Variants in SMIM8 observed in about 807,000 individuals in gnomAD.
The protein encoded by SMIM8 is UPF0708 protein C6orf162.
In SMIM8, 8 loss-of-function variants were observed where a neutral mutation model predicts 8.1. The observed-to-expected ratio is 0.99, with a 90% CI of 0.58 to 1.78. The LOEUF is 1.78. Ranked by LOEUF, SMIM8 falls within the 40% of genes most tolerant of loss-of-function variation. The probability of loss-of-function intolerance (pLI) is 0.00; values close to 1 mark genes in which losing one functional copy is unlikely to be tolerated. For missense variants in SMIM8, 126 were observed against 119.8 expected (o/e 1.05, Z -0.24); for synonymous variants, 45 against 39.7 (o/e 1.13, Z -0.50).
chr6:87,339,801 C>T (rs770699907), intron 3 of SMIM8, among the ~76,000 whole-genome samples: 12 of 152,066 alleles, frequency 7.9e-5, no homozygotes, highest in African/African-American at 1.2e-4. Context: ...TTGAAAACTC[C>T]GGGTGCTGAC....
chr6:87,328,643 T>A (rs1159439098), intron 1 of SMIM8, among the ~76,000 whole-genome samples: 1 of 152,202 alleles, frequency 6.6e-6, no homozygotes, highest in Non-Finnish European at 1.5e-5. Context: ...GGAGAACCAC[T>A]GCTCTCTTCA....
chr6:87,329,722 C>G (rs565198496), intron 1 of SMIM8, among the ~76,000 whole-genome samples: 2 of 151,708 alleles, frequency 1.3e-5, no homozygotes, highest in Non-Finnish European at 2.9e-5. Flanking sequence ...TTTATCAATT[C>G]AAGAGTAAGA....
chr6:87,339,133 G>A (rs1387161006), intron 3 of SMIM8, among the ~76,000 whole-genome samples: 1 of 152,130 alleles, frequency 6.6e-6, no homozygotes, highest in East Asian at 1.9e-4. Context: ...GTGAAACCCT[G>A]TATTTATTAA....
At position 87,332,342 on chromosome 6, in the gene SMIM8, TAA is replaced by T. The variant is rs199812984; in HGVS notation, c.-24+1632_-24+1633del. ...CCCCATATATGTATATATATATATATAAATGACAGCAGATCCCTTCTGAATAG... is the reference window on the plus strand; with the variant it reads ...CCCCATATATGTATATATATATATATATGACAGCAGATCCCTTCTGAATAG... On this transcript the variant is annotated intron_variant, in intron 2 of 3. Transcript: ENST00000392863. Among the ~76,000 whole-genome samples the T allele has an allele frequency of 1.4e-3, 198 of 146,660 alleles. 1 individual carries two copies. Among genetic ancestry groups the T allele is most frequent in the African/African-American group, 3.7e-3 (149 of 40,072 alleles).
At chr6:87,332,662 T>C (rs568456287) in intron 2 of SMIM8, among the ~76,000 whole-genome samples, 1 of 152,352 alleles carries the variant, frequency 6.6e-6, no homozygotes, top group African/African-American at 2.4e-5. Flanking sequence ...TAATAAACTA[T>C]GCTCTGAGGA....
chr6:87,338,821 G>A (rs1283946460), intron 3 of SMIM8, among the ~76,000 whole-genome samples: 1 of 152,006 alleles, frequency 6.6e-6, no homozygotes, highest in Non-Finnish European at 1.5e-5. Flanking sequence ...CAAAGAAAAG[G>A]GTCTGAGGTA....
chr6:87,331,275 G>A lies in SMIM8; in HGVS notation c.-24+563G>A, dbSNP rs145542151. Among the ~76,000 whole-genome samples, 10 of 152,346 alleles carry A rather than the reference G, an allele frequency of 6.6e-5. No individual in the cohort carries two copies. In the East Asian group the frequency reaches 1.7e-3, roughly 26 times the overall value. On this transcript the variant is annotated intron_variant, in intron 2 of 3. Coordinates refer to ENST00000392863, the MANE Select transcript of SMIM8 (RefSeq NM_001042493.3). ...GACATTAACTGGTTTTGTCTTAGGTGAGTGGTAATGTCAGAGTAAGTTATT... is the reference window on the plus strand; with the variant it reads ...GACATTAACTGGTTTTGTCTTAGGTAAGTGGTAATGTCAGAGTAAGTTATT...
In SMIM8 at chr6:87,341,127, T is replaced by A. The variant is rs1351737373; in HGVS notation, c.*853T>A. The A allele has an allele frequency of 2.5e-6, 1 of 394,756 alleles. No individual in the cohort carries two copies. The highest frequency in any genetic ancestry group is 4.5e-6 in the Non-Finnish European group (1 of 224,174). The allele number at this position is 394,756 out of a possible 1,614,324, so 24.5% of individuals were successfully genotyped here. The stretch of plus-strand genomic sequence containing the variant: ...CTTATAGTTATTTAAAAACTACAAC[T>A]ACTCAATGGATAAGGAATAGATAAG... On this transcript the variant is annotated 3_prime_UTR_variant, in exon 4 of 4. Transcript: ENST00000392863.
intron 3 of SMIM8, among the ~76,000 whole-genome samples, chr6:87,339,371 T>TGTGTGA (rs1562225659): frequency 2.3e-5 from 3 of 130,284 alleles, no homozygotes. Context: ...TGTGTGTGTG[T>TGTGTGA]GAAATCCTGT....
intron 2 of SMIM8, among the ~76,000 whole-genome samples, chr6:87,334,630 A>G (rs1457063290): frequency 6.6e-6 from 1 of 152,138 alleles, no homozygotes; most frequent in Non-Finnish European, 1.5e-5. Context: ...TGCTGATGAA[A>G]CAGGTGTTCT....
rs761490879 is a variant in SMIM8 at position 87,340,221 on chromosome 6, A to G, written c.241A>G (p.Ile81Val). The change falls in exon 4 of 4, where the codon ATT becomes GTT. Residue 81 changes from isoleucine (I) to valine (V), a missense_variant. By Grantham distance (29) the Ile-to-Val change is conservative. Transcript: ENST00000392863. ...QENKKDLYEA[I>V]DSEGHSYMRR... ...GAATAAAAAGGACCTCTATGAAGCTATTGATAGTGAGGGGCACAGTTATAT... is the reference window on the plus strand; with the variant it reads ...GAATAAAAAGGACCTCTATGAAGCTGTTGATAGTGAGGGGCACAGTTATAT... The G allele has an allele frequency of 3.4e-5, 54 of 1,611,624 alleles. No individual in the cohort carries two copies. The highest frequency in any genetic ancestry group is 4.2e-5 in the Non-Finnish European group (50 of 1,179,298).
chr6:87,335,845 C>CAAAA (rs35840147), intron 2 of SMIM8, among the ~76,000 whole-genome samples: 78 of 55,884 alleles, frequency 1.4e-3, no homozygotes, highest in Admixed American at 2.4e-3. Context: ...CCGTCCCTAC[C>CAAAA]AAAAAAAAAA....
At chr6:87,335,978 G>A (rs1477122974) in intron 2 of SMIM8, among the ~76,000 whole-genome samples, 1 of 150,622 alleles carries the variant, frequency 6.6e-6, no homozygotes, top group Non-Finnish European at 1.5e-5. Flanking sequence ...CTATGATCAC[G>A]CCACTGCACG....
At chr6:87,327,360 C>T (rs555598260) in intron 1 of SMIM8, among the ~76,000 whole-genome samples, 11 of 152,072 alleles carry the variant, frequency 7.2e-5, no homozygotes, top group African/African-American at 2.4e-4. Context: ...TTCCTAGTCT[C>T]AATGGTCTTT....
intron 2 of SMIM8, among the ~76,000 whole-genome samples, chr6:87,335,500 T>C (rs890980673): frequency 1.1e-4 from 16 of 152,120 alleles, no homozygotes; most frequent in Admixed American, 9.8e-4. Flanking sequence ...TTTGCAAGTA[T>C]AGAAAGTGCT....
rs1777123047 is a variant in SMIM8 at position 87,336,878 on chromosome 6, A to G, written c.-23-131A>G. ...ACAAAGTACATTATACAAAGTAATA[A>G]GATAACTGACAATCACATTTGGTAT... On this transcript the variant is annotated intron_variant, in intron 2 of 3. Coordinates refer to ENST00000392863, the MANE Select transcript of SMIM8 (RefSeq NM_001042493.3). The G allele has an allele frequency of 1.2e-5, 7 of 586,094 alleles. No homozygotes were observed. In the Admixed American group the frequency reaches 2.1e-4, roughly 18 times the overall value. 36.3% of individuals were successfully genotyped at this position (586,094 alleles called of 1,614,324 possible). A position where few individuals can be genotyped will look rare whatever the true frequency, so the allele number is the denominator to read the frequency against.
intron 1 of SMIM8, among the ~76,000 whole-genome samples, chr6:87,323,598 A>G (rs1171573352): frequency 2.0e-5 from 3 of 152,112 alleles, no homozygotes; most frequent in Admixed American, 1.3e-4. Context: ...TACAAAGGAC[A>G]TGAACTCATC....
At chr6:87,334,747 G>A (rs1777068861) in intron 2 of SMIM8, among the ~76,000 whole-genome samples, 1 of 152,174 alleles carries the variant, frequency 6.6e-6, no homozygotes, top group South Asian at 2.1e-4. Flanking sequence ...ATTGTCTTTG[G>A]CAAGTCAGCT....
chr6:87,328,974 G>A (rs919716053), intron 1 of SMIM8, among the ~76,000 whole-genome samples: 4 of 152,154 alleles, frequency 2.6e-5, no homozygotes, highest in Middle Eastern at 3.2e-3. Flanking sequence ...TTTTAAGCCC[G>A]TCGGAAAAGC....
Sources: gnomAD v4.1 joint callset for allele counts (sites outside exome capture counted in the v4.1 genomes callset) on GRCh38, gnomAD v4.1.1 for gene constraint, MANE v1.5 for transcripts, NCBI Gene and HGNC (gene_info 2026-07-23, HGNC 2026-07-21) for gene names.